Variants in ARMH4 observed in about 807,000 individuals in gnomAD.
ARMH4 encodes the protein armadillo like helical domain containing 4.
ARMH4 carries 49 observed loss-of-function variants against 61.9 expected under a neutral mutation model. The ratio of observed to expected loss-of-function variants is 0.79; its 90% CI spans 0.63 to 1.00. ARMH4 has a LOEUF of 1.00. ARMH4 is among the 50% of genes least tolerant of loss of function. The pLI is 0.00. For synonymous variants in ARMH4, 368 were observed against 341.5 expected, an observed-to-expected ratio of 1.08 and a Z score of -0.85; for missense variants, 934 against 930.0, an observed-to-expected ratio of 1.00 and a Z score of -0.06.
intron 5 of ARMH4, among the ~76,000 whole-genome samples, chr14:58,026,059 G>A (rs538044239): frequency 5.3e-5 from 8 of 151,524 alleles, no homozygotes; most frequent in African/African-American, 1.5e-4. Flanking sequence ...CAAAGAGAAC[G>A]TCCTGCAATC....
chr14:58,148,529 A>G (rs552256897), intron 1 of ARMH4, among the ~76,000 whole-genome samples: 1 of 152,326 alleles, frequency 6.6e-6, no homozygotes, highest in East Asian at 1.9e-4. Flanking sequence ...TTCTTTGCAT[A>G]CAAACACTAG....
chr14:58,084,743 G>C (rs550537094), intron 5 of ARMH4, among the ~76,000 whole-genome samples: 1 of 152,274 alleles, frequency 6.6e-6, no homozygotes, highest in Non-Finnish European at 1.5e-5. Context: ...TTCCTTCCCT[G>C]GGTCTTTAAT....
At chr14:58,027,200 T>C (rs1883051237) in intron 5 of ARMH4, among the ~76,000 whole-genome samples, 1 of 152,224 alleles carries the variant, frequency 6.6e-6, no homozygotes, top group South Asian at 2.1e-4. Context: ...CAATTTCAGT[T>C]ATGTAAGATA....
At chr14:58,035,976 G>A (rs1180560994) in intron 5 of ARMH4, among the ~76,000 whole-genome samples, 1 of 130,020 alleles carries the variant, frequency 7.7e-6, no homozygotes, top group Non-Finnish European at 1.7e-5. Flanking sequence ...GAGGTACAAG[G>A]AGGAACTGGT....
chr14:58,107,487 C>T (rs572513521), intron 4 of ARMH4, among the ~76,000 whole-genome samples: 25 of 152,140 alleles, frequency 1.6e-4, no homozygotes, highest in African/African-American at 4.8e-4. Flanking sequence ...AATTAGAGGC[C>T]GGATGCAGTG....
At chr14:58,027,529 T>C (rs1883062037) in intron 5 of ARMH4, among the ~76,000 whole-genome samples, 1 of 147,706 alleles carries the variant, frequency 6.8e-6, no homozygotes, top group Admixed American at 6.9e-5. Flanking sequence ...GCTATCTCTG[T>C]TAAAATAATA....
chr14:58,133,454 C>T, intron 2 of ARMH4, 113 bp from the exon 3 acceptor site: 1 of 992,608 alleles, frequency 1.0e-6, no homozygotes, highest in South Asian at 1.7e-5. Context: ...ATTTCAGGAA[C>T]TGGGGAAGCA....
chr14:58,072,771 C>T (rs1196661523), intron 5 of ARMH4, among the ~76,000 whole-genome samples: 1 of 151,794 alleles, frequency 6.6e-6, no homozygotes, highest in African/African-American at 2.4e-5. Context: ...TAGTTGACTG[C>T]AGCGACACCT....
chr14:58,036,258 A>G (rs1425557855), intron 5 of ARMH4, among the ~76,000 whole-genome samples: 1 of 75,362 alleles, frequency 1.3e-5, no homozygotes, highest in African/African-American at 5.2e-5. Flanking sequence ...ACGCAAATCA[A>G]TAAATGTAAT....
At chr14:58,041,049 G>T (rs958155852) in intron 5 of ARMH4, among the ~76,000 whole-genome samples, 1 of 152,208 alleles carries the variant, frequency 6.6e-6, no homozygotes, top group Non-Finnish European at 1.5e-5. Context: ...CGCAGAAGAC[G>T]GGTGATTTCT....
intron 5 of ARMH4, among the ~76,000 whole-genome samples, chr14:58,050,047 A>C (rs1767190598): frequency 6.6e-6 from 1 of 152,212 alleles, no homozygotes; most frequent in African/African-American, 2.4e-5. Flanking sequence ...CACATAGAGA[A>C]TTGAAAGAAC....
At chr14:58,107,233 G>A (rs1244659811) in intron 4 of ARMH4, among the ~76,000 whole-genome samples, 1 of 152,130 alleles carries the variant, frequency 6.6e-6, no homozygotes, top group Non-Finnish European at 1.5e-5. Flanking sequence ...TTGAGAATGT[G>A]TCATCCCAAC....
At chr14:58,010,646 G>A (rs916597847) in intron 6 of ARMH4, among the ~76,000 whole-genome samples, 1 of 151,900 alleles carries the variant, frequency 6.6e-6, no homozygotes, top group Admixed American at 6.6e-5. Flanking sequence ...ATAAAAAGGA[G>A]CAAGAAAAAG....
chr14:58,049,633 C>T (rs1307171025), intron 5 of ARMH4, among the ~76,000 whole-genome samples: 1 of 152,034 alleles, frequency 6.6e-6, no homozygotes, highest in Non-Finnish European at 1.5e-5. Context: ...TAAAGTCCAA[C>T]AGGGAAGCCC....
chr14:58,074,967 C>T (rs112298216), intron 5 of ARMH4, among the ~76,000 whole-genome samples: 26 of 152,114 alleles, frequency 1.7e-4, no homozygotes, highest in African/African-American at 5.1e-4. Flanking sequence ...TATTAAGAGC[C>T]GCATCTTCTG....
At chr14:58,110,531 TC>T (rs1886321978) in intron 4 of ARMH4, among the ~76,000 whole-genome samples, 1 of 152,176 alleles carries the variant, frequency 6.6e-6, no homozygotes, top group Non-Finnish European at 1.5e-5. Context: ...ATATATTTTC[TC>T]TGAGTCACTT....
intron 4 of ARMH4, among the ~76,000 whole-genome samples, chr14:58,118,868 T>G (rs1215112891): frequency 1.3e-5 from 2 of 152,190 alleles, no homozygotes. Flanking sequence ...AGCCAGAGTT[T>G]TAATAGGAAA....
intron 4 of ARMH4, among the ~76,000 whole-genome samples, chr14:58,118,457 T>C (rs1231814486): frequency 7.4e-6 from 1 of 134,240 alleles, no homozygotes; most frequent in Non-Finnish European, 1.5e-5. Context: ...TACTTGGTGG[T>C]GAGCCCTAGG....
At chr14:58,059,061 T>C (rs1884443941) in intron 5 of ARMH4, among the ~76,000 whole-genome samples, 1 of 152,202 alleles carries the variant, frequency 6.6e-6, no homozygotes, top group Non-Finnish European at 1.5e-5. Context: ...CTGAATCTTA[T>C]GATAAGAATC....
Sources: gnomAD v4.1 joint callset for allele counts (sites outside exome capture counted in the v4.1 genomes callset) on GRCh38, gnomAD v4.1.1 for gene constraint, MANE v1.5 for transcripts, NCBI Gene and HGNC (gene_info 2026-07-23, HGNC 2026-07-21) for gene names.